The following ERCC6 variants were observed in gnomAD, a reference collection of about 807,000 sequenced individuals.
The protein encoded by ERCC6 is DNA excision repair protein ERCC-6.
ERCC6 carries 116 observed loss-of-function variants against 158.7 expected under a neutral mutation model. That is an observed-to-expected ratio of 0.73 (90% CI 0.63 to 0.85). ERCC6 has a LOEUF of 0.85. Among genes scored for constraint, ERCC6 ranks in the 40% least tolerant of loss-of-function variants. ERCC6 has a pLI of 0.00. For synonymous variants in ERCC6, 678 were observed against 659.3 expected (o/e 1.03, Z -0.43); for missense variants, 1,698 against 1,799.4 (o/e 0.94, Z 1.02).
intron 13 of ERCC6, 61 bp from the exon 14 acceptor site, chr10:49,473,648 T>G (rs1850822966): frequency 1.1e-6 from 1 of 934,586 alleles, no homozygotes; most frequent in Non-Finnish European, 1.8e-6. Context: ...TGAGTGCTTC[T>G]CTATTTGTGT....
chr10:49,447,031 GA>G, the ERCC6 span, among the ~76,000 whole-genome samples: 1 of 152,064 alleles, frequency 6.6e-6, no homozygotes, highest in Non-Finnish European at 1.5e-5. Flanking sequence ...ACCAGAAGGG[GA>G]AAAACACCCA....
chr10:49,480,222 A>G (rs773967510), intron 10 of ERCC6, among the ~76,000 whole-genome samples: 5 of 152,056 alleles, frequency 3.3e-5, no homozygotes, highest in Non-Finnish European at 2.9e-5. Flanking sequence ...CCCTTCTCCG[A>G]GAAGCCTTTC....
At chr10:49,516,263 T>C (rs1177731544) in intron 5 of ERCC6, 28 of 1,614,018 alleles carry the variant, frequency 1.7e-5, no homozygotes, top group Non-Finnish European at 2.1e-5. Flanking sequence ...CCCGAATAAA[T>C]TGTTTGCACC....
At chr10:49,512,147 G>A (rs1373201988) in intron 5 of ERCC6, among the ~76,000 whole-genome samples, 1 of 152,176 alleles carries the variant, frequency 6.6e-6, no homozygotes, top group Non-Finnish European at 1.5e-5. Flanking sequence ...CAGGAGCTCA[G>A]TTCAACCCCC....
intron 8 of ERCC6, among the ~76,000 whole-genome samples, chr10:49,490,771 G>A (rs995528601): frequency 6.6e-6 from 1 of 152,164 alleles, no homozygotes; most frequent in African/African-American, 2.4e-5. Flanking sequence ...TTTCTAAAGA[G>A]AAATTCTCTT....
chr10:49,469,653 C>G (rs992895921), intron 18 of ERCC6, among the ~76,000 whole-genome samples: 2 of 152,196 alleles, frequency 1.3e-5, no homozygotes, highest in African/African-American at 4.8e-5. Context: ...TCAAGGCCAT[C>G]ACATTGTGAA....
chr10:49,475,200 C>A, intron 12 of ERCC6: 1 of 303,810 alleles, frequency 3.3e-6, no homozygotes, highest in South Asian at 3.3e-5. Flanking sequence ...ATGTAAAATA[C>A]ATACCCAATT....
chr10:49,529,347 T>G (rs543247582), intron 3 of ERCC6, among the ~76,000 whole-genome samples: 1 of 152,368 alleles, frequency 6.6e-6, no homozygotes, highest in African/African-American at 2.4e-5. Flanking sequence ...CTCTGAATAG[T>G]CTACCTCTAA....
chr10:49,483,632 A>G lies in ERCC6; in HGVS notation c.1822-116T>C, dbSNP rs1020580906. The G allele has an allele frequency of 1.2e-5, 12 of 1,013,954 alleles. No individual in the cohort carries two copies. In the African/African-American group the frequency reaches 1.7e-4, roughly 15 times the overall value. The allele number at this position is 1,013,954 out of a possible 1,614,324, so 62.8% of individuals were successfully genotyped here. A position where few individuals can be genotyped will look rare whatever the true frequency, so the allele number is the denominator to read the frequency against. On this transcript the variant is annotated intron_variant, in intron 8 of 20. Coordinates refer to ENST00000355832, the MANE Select transcript of ERCC6 (RefSeq NM_000124.4). ...CACAAATACAAACATAACATGCACAATCACAGACATTATCAGCACTGGAAG... is the reference window on the plus strand; with the variant it reads ...CACAAATACAAACATAACATGCACAGTCACAGACATTATCAGCACTGGAAG...
At chr10:49,488,794 T>C (rs1851121413) in intron 8 of ERCC6, among the ~76,000 whole-genome samples, 1 of 152,134 alleles carries the variant, frequency 6.6e-6, no homozygotes, top group South Asian at 2.1e-4. Context: ...TTTGCTTTTT[T>C]TCTTTTTGAG....
chr10:49,516,919 G>C, intron 5 of ERCC6: 1 of 1,614,062 alleles, frequency 6.2e-7, no homozygotes. Flanking sequence ...GAGCCATCTT[G>C]AATAAGATAC....
At chr10:49,492,780 T>C (rs1419902336) in intron 8 of ERCC6, among the ~76,000 whole-genome samples, 2 of 152,222 alleles carry the variant, frequency 1.3e-5, no homozygotes, top group Non-Finnish European at 2.9e-5. Flanking sequence ...TTGAAGCCAC[T>C]AATGCGCAAA....
rs756131467 is a variant in ERCC6 at position 49,505,982 on chromosome 10, T to C, written c.1428A>G (p.Lys476=). 4.3e-6 allele frequency: 7 copies of C among 1,613,442 alleles called. No homozygotes were observed. Among genetic ancestry groups the C allele is most frequent in the African/African-American group, 1.3e-5 (1 of 75,016 alleles). ...CGTCCTCCAGCTTCAGACGTTTCTC[T>C]TTGTCCTGCAGTCTCAGTTTATTCC... ...RRWNKLRLQD[K]EKRLKLEDDS... is the part of the protein sequence containing the mutation. Residue 476 remains lysine (K), a synonymous_variant, in exon 6 of 21, where the codon AAA becomes AAG. Coordinates refer to ENST00000355832, the MANE Select transcript of ERCC6 (RefSeq NM_000124.4).
chr10:49,478,693 T>C (rs1850922412), intron 10 of ERCC6, among the ~76,000 whole-genome samples: 1 of 152,190 alleles, frequency 6.6e-6, no homozygotes, highest in South Asian at 2.1e-4. Context: ...AAAAATTATC[T>C]CATTAACCAA....
At chr10:49,537,780 C>T (rs535841271) in intron 1 of ERCC6, among the ~76,000 whole-genome samples, 1 of 152,100 alleles carries the variant, frequency 6.6e-6, no homozygotes, top group Admixed American at 6.5e-5. Context: ...CAACCTCCGC[C>T]AGGCTCCGCC....
intron 5 of ERCC6, among the ~76,000 whole-genome samples, chr10:49,510,277 A>T (rs575942684): frequency 2.0e-5 from 3 of 152,260 alleles, no homozygotes; most frequent in Admixed American, 6.5e-5. Flanking sequence ...TTTATTTTAG[A>T]AGAATTTTCA....
intron 1 of ERCC6, among the ~76,000 whole-genome samples, chr10:49,535,000 C>T (rs372671547): frequency 2.6e-5 from 4 of 152,282 alleles, no homozygotes; most frequent in South Asian, 4.2e-4. Context: ...ACACGAGCAT[C>T]GAGCGAACTA....
chr10:49,498,627 T>C (rs1156462358), intron 7 of ERCC6, among the ~76,000 whole-genome samples: 8 of 152,198 alleles, frequency 5.3e-5, no homozygotes, highest in Admixed American at 2.6e-4. Context: ...TGTAGTCCAA[T>C]ATGCCACATT....
intron 8 of ERCC6, among the ~76,000 whole-genome samples, chr10:49,485,498 C>A (rs7079872): frequency 1.2e-4 from 18 of 152,106 alleles, no homozygotes; most frequent in Non-Finnish European, 2.2e-4. Context: ...AAGAGGGGAT[C>A]TAAAATATTA....
Sources: allele counts gnomAD v4.1 joint callset (sites outside exome capture counted in the v4.1 genomes callset), GRCh38; gene constraint gnomAD v4.1.1; transcripts MANE v1.5; gene names NCBI Gene and HGNC (gene_info 2026-07-23, HGNC 2026-07-21).